Variants in TNKS observed in about 807,000 individuals in gnomAD.
The protein encoded by TNKS is tankyrase.
TNKS carries 72 observed loss-of-function variants against 135.8 expected under a neutral mutation model. The observed-to-expected ratio is 0.53, with a 90% CI of 0.44 to 0.64. TNKS has a LOEUF of 0.64. Ranked by LOEUF, TNKS falls within the 30% of genes least tolerant of loss-of-function variation. The pLI is 0.00. For synonymous variants in TNKS, 849 were observed against 649.3 expected (o/e 1.31, Z -4.68); for missense variants, 1,769 against 1,674.0 (o/e 1.06, Z -0.99).
At position 9,601,283 on chromosome 8, in the gene TNKS, A is replaced by C. The variant is rs562028438; in HGVS notation, c.899-14299A>C. On this transcript the variant is annotated intron_variant, in intron 2 of 26. Coordinates refer to ENST00000310430, the MANE Select transcript of TNKS (RefSeq NM_003747.3). The stretch of plus-strand genomic sequence containing the variant: ...TTTGCACATATAAATCTATTTACAT[A>C]TTTTTAAAACATGAACTTTAAATTT... Among the ~76,000 whole-genome samples, 3 of 152,258 alleles carry C rather than the reference A, an allele frequency of 2.0e-5. No homozygotes were observed. The South Asian group carries it at 6.2e-4, about 32-fold the overall frequency.
At position 9,741,465 on chromosome 8, in the gene TNKS, T is replaced by C. The variant is rs148034403; in HGVS notation, c.2643+5979T>C. Among the ~76,000 whole-genome samples the C allele has an allele frequency of 1.1e-3, 172 of 152,328 alleles. 1 individual carries two copies. The highest frequency in any genetic ancestry group is 4.0e-3 in the African/African-American group (168 of 41,578). ...TAGCCTTCACCTTTCACAGTCTTTA[T>C]AGCAGTCACGGAGGATAAGGAAAAG... On this transcript the variant is annotated intron_variant, in intron 17 of 26. Coordinates refer to ENST00000310430, the MANE Select transcript of TNKS (RefSeq NM_003747.3).
intron 5 of TNKS, among the ~76,000 whole-genome samples, chr8:9,704,122 C>T (rs1453325223): frequency 6.6e-6 from 1 of 152,082 alleles, no homozygotes; most frequent in Non-Finnish European, 1.5e-5. Context: ...TACTAGCCGC[C>T]GTACAGAATG....
rs116305790 is a variant in TNKS, at chr8:9,713,380, T to C, written c.1749+3160T>C. 9.7e-3 allele frequency among the ~76,000 whole-genome samples: 1,472 copies of C among 152,334 alleles called. 17 individuals are homozygous for C. Among genetic ancestry groups the C allele is most frequent in the African/African-American group, 0.031 (1,299 of 41,568 alleles). On this transcript the variant is annotated intron_variant, in intron 11 of 26. Coordinates refer to ENST00000310430, the MANE Select transcript of TNKS (RefSeq NM_003747.3). Reference sequence around the variant, plus strand: ...TGCCCTTCATTTTGGGAAAATAGTATCTATTTATTGTCTCCCATCAGGCAT... The same window carrying C: ...TGCCCTTCATTTTGGGAAAATAGTACCTATTTATTGTCTCCCATCAGGCAT...
chr8:9,731,102 G>T (rs1805416138), intron 14 of TNKS, 67 bp downstream of exon 14: 4 of 1,421,018 alleles, frequency 2.8e-6, no homozygotes, highest in Non-Finnish European at 2.8e-6. Context: ...AAATATTTTT[G>T]AAGTCTTAGA....
In TNKS at chr8:9,575,189, C is replaced by T. The variant is rs557065678; in HGVS notation, c.674-4970C>T. 298 of 618,246 alleles carry T rather than the reference C, an allele frequency of 4.8e-4. No individual in the cohort carries two copies. The African/African-American group carries it at 5.8e-3, about 12-fold the overall frequency. The allele number at this position is 618,246 out of a possible 1,614,324, so 38.3% of individuals were successfully genotyped here. On this transcript the variant is annotated intron_variant, in intron 1 of 26. Transcript: ENST00000310430. ...GCAAGCTCCGCCTCCCGGGTTCACG[C>T]CATTCTCCTGCCTCAGCCTCCGGAG...
chr8:9,615,502 C>T (rs972517603), intron 2 of TNKS, 80 bp from the exon 3 acceptor site: 14 of 1,201,252 alleles, frequency 1.2e-5, no homozygotes, highest in African/African-American at 9.2e-5. Context: ...TTTATGCCTA[C>T]ACCATGCCGA....
chr8:9,651,476 A>C (rs1801145864), intron 3 of TNKS, among the ~76,000 whole-genome samples: 1 of 152,218 alleles, frequency 6.6e-6, no homozygotes, highest in African/African-American at 2.4e-5. Flanking sequence ...CACACCCAGA[A>C]GAGCTTTGAG....
Position 9,761,663 on chromosome 8 carries a change from T to A in TNKS, c.3274+27T>A, listed in dbSNP as rs543540071. The A allele has an allele frequency of 7.0e-4, 1,068 of 1,522,082 alleles. 4 individuals carry two copies. In the African/African-American group the frequency reaches 8.0e-3, roughly 11 times the overall value. 94.3% of individuals were successfully genotyped at this position (1,522,082 alleles called of 1,614,324 possible). A position where few individuals can be genotyped will look rare whatever the true frequency, so the allele number is the denominator to read the frequency against. The stretch of plus-strand genomic sequence containing the variant: ...TAAGCTATTCAGAAAAAAAAAAAAA[T>A]TTCAGAAATCAGTGGTACAAGGTAA... On this transcript the variant is annotated intron_variant, in intron 21 of 26. Transcript: ENST00000310430.
intron 3 of TNKS, among the ~76,000 whole-genome samples, chr8:9,648,944 GAA>G (rs553613649): frequency 1.5e-5 from 2 of 134,428 alleles, no homozygotes; most frequent in African/African-American, 2.7e-5. Context: ...ATTCCTGGGA[GAA>G]AAAAAAAAAA....
At chr8:9,564,961 T>C (rs1254792125) in intron 1 of TNKS, among the ~76,000 whole-genome samples, 3 of 151,972 alleles carry the variant, frequency 2.0e-5, no homozygotes, top group African/African-American at 7.3e-5. Flanking sequence ...GTGGGTTTCC[T>C]AGGGATTTCT....
At chr8:9,606,705 T>C (rs912340620) in intron 2 of TNKS, among the ~76,000 whole-genome samples, 1 of 151,552 alleles carries the variant, frequency 6.6e-6, no homozygotes, top group Non-Finnish European at 1.5e-5. Flanking sequence ...TTAGTGTTTT[T>C]TCTTGACCAG....
rs538513254 is a variant in TNKS, at chr8:9,744,475, T to G, written c.2644-3549T>G. 2.4e-4 allele frequency among the ~76,000 whole-genome samples: 37 copies of G among 152,336 alleles called. 2 individuals are homozygous for G. The South Asian group carries it at 7.7e-3, about 32-fold the overall frequency. On this transcript the variant is annotated intron_variant, in intron 17 of 26. Coordinates refer to ENST00000310430, the MANE Select transcript of TNKS (RefSeq NM_003747.3). Reference sequence around the variant, plus strand: ...AACTGAAGCCAAGCATGTTTCTCTTTCCCCTACTTCCCACCTTTTTAAAAT... The same window carrying G: ...AACTGAAGCCAAGCATGTTTCTCTTGCCCCTACTTCCCACCTTTTTAAAAT...
chr8:9,673,676 C>T (rs1802407530), intron 3 of TNKS, among the ~76,000 whole-genome samples: 1 of 151,998 alleles, frequency 6.6e-6, no homozygotes, highest in Non-Finnish European at 1.5e-5. Context: ...GAACTCCTGA[C>T]CTCGTGATCC....
intron 2 of TNKS, among the ~76,000 whole-genome samples, chr8:9,586,078 G>C (rs1409892612): frequency 6.6e-6 from 1 of 152,092 alleles, no homozygotes; most frequent in Non-Finnish European, 1.5e-5. Context: ...ATAATAATTA[G>C]AAAGTACATG....
At chr8:9,670,124 A>G (rs1235244872) in intron 3 of TNKS, 1 of 152,170 alleles carries the variant, frequency 6.6e-6, no homozygotes, top group African/African-American at 2.4e-5. Flanking sequence ...TCTCCTTTCC[A>G]CATTTCGTTC....
At chr8:9,602,207 C>T (rs2128759461) in intron 2 of TNKS, among the ~76,000 whole-genome samples, 1 of 152,266 alleles carries the variant, frequency 6.6e-6, no homozygotes, top group South Asian at 2.1e-4. Context: ...ACTACTTAGG[C>T]TGTTAAAGAT....
chr8:9,700,050 C>T (rs570340562), intron 5 of TNKS, among the ~76,000 whole-genome samples: 83 of 152,208 alleles, frequency 5.5e-4, no homozygotes, highest in African/African-American at 2.0e-3. Context: ...GCTCAGAAAG[C>T]GTTTCTTCTG....
chr8:9,632,046 TC>T (rs978252104), intron 3 of TNKS, among the ~76,000 whole-genome samples: 1 of 152,180 alleles, frequency 6.6e-6, no homozygotes, highest in Non-Finnish European at 1.5e-5. Flanking sequence ...TTGTTTGTAT[TC>T]CCTGAAAGCT....
chr8:9,612,353 C>T (rs1205853264), intron 2 of TNKS, among the ~76,000 whole-genome samples: 2 of 152,058 alleles, frequency 1.3e-5, no homozygotes, highest in African/African-American at 4.8e-5. Context: ...GTAAACAGTT[C>T]TGGGAATCGA....
Sources: allele counts gnomAD v4.1 joint callset (sites outside exome capture counted in the v4.1 genomes callset), GRCh38; gene constraint gnomAD v4.1.1; transcripts MANE v1.5; gene names NCBI Gene and HGNC (gene_info 2026-07-23, HGNC 2026-07-21).